The following ESRRG variants were observed in gnomAD, a reference collection of about 807,000 sequenced individuals.
ESRRG encodes the protein estrogen-related receptor gamma.
A neutral mutation model predicts 44.0 loss-of-function variants in ESRRG; 13 were observed. The ratio of observed to expected loss-of-function variants is 0.30; its 90% CI spans 0.19 to 0.47. ESRRG has a LOEUF of 0.47. Among genes scored for constraint, ESRRG ranks in the 20% least tolerant of loss-of-function variants. The pLI is 1.00. For missense variants in ESRRG, 395 were observed against 580.6 expected, an observed-to-expected ratio of 0.68 and a Z score of 3.29; for synonymous variants, 215 against 214.6, an observed-to-expected ratio of 1.00 and a Z score of -0.02.
At chr1:217,101,456 C>A (rs1025646294) in intron 1 of ESRRG, among the ~76,000 whole-genome samples, 6 of 152,206 alleles carry the variant, frequency 3.9e-5, no homozygotes, top group Non-Finnish European at 7.3e-5. Context: ...GGTCAGAAAT[C>A]TCAACCTCTT....
intron 2 of ESRRG, among the ~76,000 whole-genome samples, chr1:216,927,282 C>CT (rs1168489270): frequency 1.3e-5 from 2 of 152,240 alleles, no homozygotes; most frequent in East Asian, 3.9e-4. Context: ...GGCAATGTTC[C>CT]TTTTTGCTTA....
At chr1:216,774,102 G>A (rs2152405281) in intron 2 of ESRRG, among the ~76,000 whole-genome samples, 2 of 152,180 alleles carry the variant, frequency 1.3e-5, no homozygotes, top group Middle Eastern at 6.8e-3. Flanking sequence ...AGGAGTGGAA[G>A]AGCTAAGATT....
chr1:216,543,146 A>G (rs1572645084), intron 5 of ESRRG, among the ~76,000 whole-genome samples: 1 of 152,148 alleles, frequency 6.6e-6, no homozygotes, highest in East Asian at 1.9e-4. Context: ...ACATGGGACA[A>G]TCTTCAAATC....
At chr1:216,834,374 C>G (rs1489276430) in intron 2 of ESRRG, among the ~76,000 whole-genome samples, 1 of 152,108 alleles carries the variant, frequency 6.6e-6, no homozygotes, top group African/African-American at 2.4e-5. Flanking sequence ...GCACTCCAGC[C>G]TGGGCAACAG....
intron 5 of ESRRG, among the ~76,000 whole-genome samples, chr1:216,563,862 G>C (rs11572784): frequency 1.3e-5 from 2 of 152,080 alleles, no homozygotes; most frequent in Non-Finnish European, 2.9e-5. Context: ...TTAGGCTACC[G>C]CTGACAAAAA....
At chr1:216,568,392 C>A (rs759895482) in intron 3 of ESRRG, among the ~76,000 whole-genome samples, 2 of 152,236 alleles carry the variant, frequency 1.3e-5, no homozygotes, top group South Asian at 2.1e-4. Context: ...ACAAAGAAGC[C>A]GCTATTTGGT....
chr1:216,898,275 G>T (rs979560344), intron 2 of ESRRG, among the ~76,000 whole-genome samples: 1 of 152,150 alleles, frequency 6.6e-6, no homozygotes, highest in African/African-American at 2.4e-5. Context: ...GCAGTGGAAG[G>T]TGGGACTCAT....
intron 2 of ESRRG, among the ~76,000 whole-genome samples, chr1:216,902,409 A>C (rs1472197431): frequency 6.6e-6 from 1 of 152,048 alleles, no homozygotes; most frequent in Non-Finnish European, 1.5e-5. Context: ...GAATCCCTTG[A>C]ACCCAGGAGG....
chr1:216,960,613 G>A (rs2068848998), intron 1 of ESRRG, among the ~76,000 whole-genome samples: 1 of 151,394 alleles, frequency 6.6e-6, no homozygotes, highest in African/African-American at 2.4e-5. Context: ...TGGAGACAGA[G>A]TCTCACTTGT....
chr1:217,019,677 G>A (rs974622404), intron 1 of ESRRG, among the ~76,000 whole-genome samples: 3 of 152,126 alleles, frequency 2.0e-5, no homozygotes, highest in Admixed American at 6.5e-5. Flanking sequence ...TGTCATATTC[G>A]TTCTTTTCTT....
In ESRRG at chr1:216,505,460, T is replaced by C. The variant is rs2041036901; in HGVS notation, c.*1479A>G. ...CATTTTCTGTCTTTGATGATTTTTT[T>C]TTTTAATTCTGGCATTTGCCTTATT... On this transcript the variant is annotated 3_prime_UTR_variant, in exon 7 of 7. Coordinates refer to ENST00000408911, the MANE Select transcript of ESRRG (RefSeq NM_001438.4). The C allele has an allele frequency of 1.3e-5, 2 of 152,648 alleles. No homozygotes were observed. Among genetic ancestry groups the C allele is most frequent in the African/African-American group, 4.8e-5 (2 of 41,454 alleles). 9.5% of individuals were successfully genotyped at this position (152,648 alleles called of 1,614,324 possible). A position where few individuals can be genotyped will look rare whatever the true frequency, so the allele number is the denominator to read the frequency against.
intron 1 of ESRRG, among the ~76,000 whole-genome samples, chr1:217,126,234 C>G (rs891146814): frequency 1.3e-5 from 2 of 152,140 alleles, no homozygotes; most frequent in African/African-American, 4.8e-5. Context: ...GCTACCTACC[C>G]ACCCACCCCG....
chr1:216,518,059 G>A (rs1388013524), intron 6 of ESRRG, among the ~76,000 whole-genome samples: 2 of 152,022 alleles, frequency 1.3e-5, no homozygotes, highest in African/African-American at 2.4e-5. Flanking sequence ...GCTCTCATGG[G>A]GGCAATTTGG....
chr1:216,560,305 T>G lies in ESRRG; in HGVS notation c.862+3914A>C, dbSNP rs1280165581. Among the ~76,000 whole-genome samples, 3 of 152,154 alleles carry G rather than the reference T, an allele frequency of 2.0e-5. No individual in the cohort carries two copies. In the East Asian group the frequency reaches 5.8e-4, roughly 29 times the overall value. ...CAAACTTGAGCAAAGTCCTCCTTCT[T>G]CAATGGGTAATTATTTAATTTGTCA... On this transcript the variant is annotated intron_variant, in intron 5 of 6. Transcript: ENST00000408911.
In ESRRG at chr1:216,504,570, T is replaced by C. The variant is rs1335443787; in HGVS notation, c.*2369A>G. 2 of 152,596 alleles carry C rather than the reference T, an allele frequency of 1.3e-5. No homozygotes were observed. Among genetic ancestry groups the C allele is most frequent in the African/African-American group, 2.4e-5 (1 of 41,450 alleles). The allele number at this position is 152,596 out of a possible 1,614,324, so 9.5% of individuals were successfully genotyped here. A position where few individuals can be genotyped will look rare whatever the true frequency, so the allele number is the denominator to read the frequency against. On this transcript the variant is annotated 3_prime_UTR_variant, in exon 7 of 7. Transcript: ENST00000408911. ...TGTTTCATCAACCCAAGGTATTTTG[T>C]TTAAAGCACACAAAGTAGCAATAGT... is the stretch of plus-strand genomic sequence containing the variant.
intron 1 of ESRRG, among the ~76,000 whole-genome samples, chr1:216,678,197 A>C (rs1193772202): frequency 6.6e-6 from 1 of 152,202 alleles, no homozygotes; most frequent in Non-Finnish European, 1.5e-5. Context: ...ATTCCAGCCA[A>C]TATTTAAAGA....
chr1:216,894,129 G>T (rs1220593796), intron 2 of ESRRG, among the ~76,000 whole-genome samples: 1 of 152,042 alleles, frequency 6.6e-6, no homozygotes, highest in Non-Finnish European at 1.5e-5. Context: ...TCTAATCCCG[G>T]TTTGCCAAAT....
At chr1:217,068,958 T>C (rs1223015344) in intron 1 of ESRRG, among the ~76,000 whole-genome samples, 1 of 152,186 alleles carries the variant, frequency 6.6e-6, no homozygotes, top group Non-Finnish European at 1.5e-5. Flanking sequence ...GGCCTTTGAC[T>C]AGTGGTCTAA....
chr1:217,086,192 G>T (rs1163097283), intron 1 of ESRRG, among the ~76,000 whole-genome samples: 1 of 152,112 alleles, frequency 6.6e-6, no homozygotes, highest in African/African-American at 2.4e-5. Flanking sequence ...TTCACCAACT[G>T]CTCCCTGGAG....
Sources: allele counts gnomAD v4.1 joint callset (sites outside exome capture counted in the v4.1 genomes callset), GRCh38; gene constraint gnomAD v4.1.1; transcripts MANE v1.5; gene names NCBI Gene and HGNC (gene_info 2026-07-23, HGNC 2026-07-21).